The following MCFD2 variants were observed in gnomAD, a reference collection of about 807,000 sequenced individuals.
MCFD2 encodes the protein multiple coagulation factor deficiency 2, ER cargo receptor complex subunit.
A neutral mutation model predicts 12.8 loss-of-function variants in MCFD2; 11 were observed. That is an observed-to-expected ratio of 0.86 (90% confidence interval 0.54 to 1.42). The LOEUF (loss-of-function observed/expected upper bound fraction) is 1.42, where lower values mean the gene tolerates loss of function less well. MCFD2 is among the 40% of genes most tolerant of loss of function. The probability of loss-of-function intolerance (pLI) is 0.00; values close to 1 mark genes in which losing one functional copy is unlikely to be tolerated. For synonymous variants in MCFD2, 70 were observed against 68.1 expected (o/e 1.03, Z -0.14); for missense variants, 191 against 178.6 (o/e 1.07, Z -0.40).
At chr2:46,915,879 G>T (rs923627133), upstream of MCFD2, 3 of 976,916 alleles carry the variant, frequency 3.1e-6, no homozygotes, top group African/African-American at 5.4e-5. Context: ...GGCGCCGCCG[G>T]GCCCCTCCCG....
At chr2:46,916,090 G>C (rs895423768), upstream of MCFD2, 5 of 985,428 alleles carry the variant, frequency 5.1e-6, no homozygotes, top group Non-Finnish European at 6.0e-6. Context: ...GTAGTTCCAC[G>C]GGCGACGTAG....
intron 1 of MCFD2, among the ~76,000 whole-genome samples, chr2:46,927,668 A>G (rs1337633538): frequency 2.0e-5 from 3 of 151,916 alleles, no homozygotes; most frequent in Non-Finnish European, 4.4e-5. Context: ...CAAAAAAAAG[A>G]TTATTATTAA....
chr2:46,938,599 A>C (rs1426884395), intron 1 of MCFD2, among the ~76,000 whole-genome samples: 1 of 152,176 alleles, frequency 6.6e-6, no homozygotes, highest in Non-Finnish European at 1.5e-5. Flanking sequence ...ATAAGGTCAT[A>C]GCTAATTTGG....
chr2:46,908,866 C>T lies in MCFD2; in HGVS notation c.149+157G>A. ...ACAATGATGAAAAAAGAATACCTGA[C>T]TTATAGGTGGCAATAAGGAATAAGA... On this transcript the variant is annotated intron_variant, in intron 2 of 3. Transcript: ENST00000319466. This position sits in a 1 kb window ranked among gnomAD's most constrained non-coding sequence, Gnocchi z 4.5. The T allele has an allele frequency of 1.0e-6, 1 of 963,558 alleles. No individual in the cohort carries two copies. The highest frequency in any genetic ancestry group is 1.6e-6 in the Non-Finnish European group (1 of 617,216). 59.7% of individuals were successfully genotyped at this position (963,558 alleles called of 1,614,324 possible). A position where few individuals can be genotyped will look rare whatever the true frequency, so the allele number is the denominator to read the frequency against.
At chr2:46,909,969 A>G (rs1365414542) in intron 1 of MCFD2, among the ~76,000 whole-genome samples, 1 of 152,210 alleles carries the variant, frequency 6.6e-6, no homozygotes, top group East Asian at 1.9e-4. Flanking sequence ...GCAAGACTAG[A>G]GGCAGGAGCA....
chr2:46,929,712 T>C (rs999912092), intron 1 of MCFD2, among the ~76,000 whole-genome samples: 1 of 152,064 alleles, frequency 6.6e-6, no homozygotes. Context: ...TGAGATTGAA[T>C]TGCAAAAAGC....
upstream of MCFD2, among the ~76,000 whole-genome samples, chr2:46,918,338 A>T (rs559809019): frequency 1.6e-4 from 25 of 152,302 alleles, no homozygotes; most frequent in Admixed American, 1.4e-3. Flanking sequence ...ATGTATCCTG[A>T]GTCTTTGACT....
In MCFD2 at chr2:46,908,086, C is replaced by T; in HGVS notation, c.150-117G>A. The T allele has an allele frequency of 1.9e-6, 2 of 1,078,258 alleles. No homozygotes were observed. Among genetic ancestry groups the T allele is most frequent in the South Asian group, 1.3e-5 (1 of 75,256 alleles). The allele number at this position is 1,078,258 out of a possible 1,614,324, so 66.8% of individuals were successfully genotyped here. A position where few individuals can be genotyped will look rare whatever the true frequency, so the allele number is the denominator to read the frequency against. ...TCCTCCAGCTCAGAAAAACAAACACCAGCAGTGGCAGACCACACTCAAGGA... is the reference window on the plus strand; with the variant it reads ...TCCTCCAGCTCAGAAAAACAAACACTAGCAGTGGCAGACCACACTCAAGGA... On this transcript the variant is annotated intron_variant, in intron 2 of 3. Transcript: ENST00000319466. This position sits in a 1 kb window ranked among gnomAD's most constrained non-coding sequence, Gnocchi z 4.5.
At chr2:46,919,988 T>C (rs1669015830), upstream of MCFD2, among the ~76,000 whole-genome samples, 1 of 152,196 alleles carries the variant, frequency 6.6e-6, no homozygotes, top group Non-Finnish European at 1.5e-5. Context: ...TGTTAAAAGC[T>C]TGGAATTTTG....
upstream of MCFD2, chr2:46,915,810 C>A (rs1668734668): frequency 3.2e-5 from 3 of 93,564 alleles, 1 homozygote; most frequent in Non-Finnish European, 4.1e-5. Context: ...GGCTTCGCCC[C>A]GCCCCCCCCC....
chr2:46,927,695 T>C (rs1437709569), intron 1 of MCFD2, among the ~76,000 whole-genome samples: 1 of 151,988 alleles, frequency 6.6e-6, no homozygotes, highest in Non-Finnish European at 1.5e-5. Context: ...AACAGACGGC[T>C]GACTTCTCAC....
chr2:46,930,182 G>T (rs1348346076), intron 1 of MCFD2, among the ~76,000 whole-genome samples: 1 of 152,028 alleles, frequency 6.6e-6, no homozygotes, highest in Non-Finnish European at 1.5e-5. Context: ...TAATGCAGTG[G>T]AAAGCAACAT....
At chr2:46,939,757 T>A (rs1167369604) in intron 1 of MCFD2, among the ~76,000 whole-genome samples, 1 of 151,996 alleles carries the variant, frequency 6.6e-6, no homozygotes, top group Non-Finnish European at 1.5e-5. Flanking sequence ...ATCCAACCGC[T>A]CTCTCCAAGT....
chr2:46,933,412 G>A (rs940241093), intron 1 of MCFD2, among the ~76,000 whole-genome samples: 2 of 152,214 alleles, frequency 1.3e-5, no homozygotes, highest in African/African-American at 4.8e-5. Context: ...TCTACTATGT[G>A]CAAGCACAAA....
chr2:46,909,063 CGGGTT>C lies in MCFD2; in HGVS notation c.104_108del (p.Gln35ArgfsTer7), dbSNP rs763656251. On this transcript the variant is annotated frameshift_variant, in exon 2 of 4. Coordinates refer to ENST00000319466, the MANE Select transcript of MCFD2 (RefSeq NM_139279.6). LOFTEE classifies it high-confidence loss of function. ...GTGTTCTTATCCAGGCCCATGCTGC[CGGGTT>C]GGGAGAAGCTGGCTGCAGGCTCCTC... The C allele has an allele frequency of 6.2e-7, 1 of 1,614,174 alleles. No individual in the cohort carries two copies. The highest frequency in any genetic ancestry group is 1.1e-5 in the South Asian group (1 of 91,078).
At chr2:46,931,525 G>C (rs1408625483) in intron 1 of MCFD2, among the ~76,000 whole-genome samples, 2 of 149,876 alleles carry the variant, frequency 1.3e-5, no homozygotes, top group Non-Finnish European at 3.0e-5. Flanking sequence ...AGGAGGGTCA[G>C]AGTCAGAGTA....
At chr2:46,934,649 G>T (rs551464381) in intron 1 of MCFD2, among the ~76,000 whole-genome samples, 6 of 152,062 alleles carry the variant, frequency 3.9e-5, no homozygotes, top group African/African-American at 1.4e-4. Flanking sequence ...CTCATAGGTT[G>T]CAGTAAGCCT....
upstream of MCFD2, chr2:46,916,249 AACG>A: frequency 1.2e-6 from 1 of 825,350 alleles, no homozygotes; most frequent in Non-Finnish European, 1.5e-6. Context: ...TTCTTGATGA[AACG>A]ACCACAACAC....
Position 46,941,831 on chromosome 2 carries a change from A to T in MCFD2, c.-267T>A. 1 of 1,422,660 alleles carries T rather than the reference A, an allele frequency of 7.0e-7. No homozygotes were observed. Among genetic ancestry groups the T allele is most frequent in the Non-Finnish European group, 9.6e-7 (1 of 1,044,126 alleles). 88.1% of individuals were successfully genotyped at this position (1,422,660 alleles called of 1,614,324 possible). A position where few individuals can be genotyped will look rare whatever the true frequency, so the allele number is the denominator to read the frequency against. On this transcript the variant is annotated 5_prime_UTR_variant, in exon 1 of 3. Coordinates refer to the MCFD2 transcript ENST00000409147. The surrounding 1 kb of genome is among the most constrained non-coding windows in gnomAD (Gnocchi z 4.2). The stretch of plus-strand genomic sequence containing the variant: ...CCTCGGCCGACAGCGGGCGCCTGCC[A>T]GCCCACCGTGCTAGTCTTAAGAGCA...
Sources: gnomAD v4.1 joint callset for allele counts (sites outside exome capture counted in the v4.1 genomes callset) on GRCh38, gnomAD v4.1.1 for gene constraint, Gnocchi (gnomAD v3.1) non-coding constraint, MANE v1.5 for transcripts, NCBI Gene and HGNC (gene_info 2026-07-23, HGNC 2026-07-21) for gene names.